The following STS variants were observed in gnomAD, a reference collection of about 807,000 sequenced individuals.
STS encodes the protein steroid sulfatase.
A neutral mutation model predicts 26.8 loss-of-function variants in STS; 7 were observed. The observed-to-expected ratio is 0.26, with a 90% CI of 0.15 to 0.49. STS has a LOEUF of 0.49. Among genes scored for constraint, STS ranks in the 20% least tolerant of loss-of-function variants. The probability of loss-of-function intolerance (pLI) is 0.98; values close to 1 mark genes in which losing one functional copy is unlikely to be tolerated. For missense variants in STS, 434 were observed against 465.6 expected, an observed-to-expected ratio of 0.93 and a Z score of 0.63; for synonymous variants, 199 against 189.4, an observed-to-expected ratio of 1.05 and a Z score of -0.42.
At chrX:7,200,648 A>G (rs1246297094) in intron 2 of STS, among the ~76,000 whole-genome samples, 1 of 111,502 alleles carries the variant, frequency 9.0e-6, no homozygotes. Context: ...AAGGACAAAA[A>G]TGGATGCCCC....
At position 7,259,609 on chromosome X, in the gene STS, C is replaced by A; in HGVS notation, c.643C>A (p.Leu215Ile). Residue 215 changes from leucine to isoleucine, a missense_variant, in exon 6 of 11, where the codon CTC (leucine) becomes ATC (isoleucine). Around this residue, in one of 2 missense-constraint regions of STS, gnomAD observed 229 missense variants for 288.3 expected, o/e 0.79. Coordinates refer to ENST00000674429, the MANE Select transcript of STS (RefSeq NM_001320752.2). ...HVPLGVFFSLLFLAALILTLF... is the reference protein window; with the variant it reads ...HVPLGVFFSLIFLAALILTLF... ...GCCTCTAGGCGTTTTTTTCAGCCTT[C>A]TCTTCCTAGCAGCCCTAATCCTGAC... 6.6e-6 allele frequency: 8 copies of A among 1,211,319 alleles called. No individual in the cohort carries two copies. Among genetic ancestry groups the A allele is most frequent in the Non-Finnish European group, 8.9e-6 (8 of 895,381 alleles).
At chrX:7,277,382 CTGTT>C (rs756961761) in intron 7 of STS, among the ~76,000 whole-genome samples, 31 of 111,701 alleles carry the variant, frequency 2.8e-4, no homozygotes, top group Admixed American at 2.3e-3. Context: ...CTTCCTAGTT[CTGTT>C]TGTTTGTTTG....
At chrX:7,272,731 C>T (rs753352146) in intron 6 of STS, among the ~76,000 whole-genome samples, 26 of 111,718 alleles carry the variant, frequency 2.3e-4, no homozygotes, top group South Asian at 1.1e-3. Context: ...AATCACTTTG[C>T]GGGTGTCAGG....
At chrX:7,290,285 C>G (rs549357534) in intron 7 of STS, among the ~76,000 whole-genome samples, 1 of 111,246 alleles carries the variant, frequency 9.0e-6, no homozygotes, top group Admixed American at 9.6e-5. Context: ...CATCTCTTCT[C>G]CTTGCTCTTC....
chrX:7,195,230 G>C (rs1933951597), intron 2 of STS, among the ~76,000 whole-genome samples: 1 of 111,659 alleles, frequency 9.0e-6, no homozygotes, highest in Admixed American at 9.6e-5. Flanking sequence ...CTTGTCTTTG[G>C]TAATACCTGT....
chrX:7,285,307 A>G (rs1925078367), intron 7 of STS, among the ~76,000 whole-genome samples: 1 of 111,575 alleles, frequency 9.0e-6, no homozygotes, highest in Non-Finnish European at 1.9e-5. Flanking sequence ...TGTTTGGAAA[A>G]TGGAAGTACT....
chrX:7,170,888 A>G (rs766528557), intron 1 of STS, among the ~76,000 whole-genome samples: 11 of 111,872 alleles, frequency 9.8e-5, no homozygotes, highest in Admixed American at 4.8e-4. Flanking sequence ...TGATAACTCC[A>G]ATGGATCTAA....
In STS at chrX:7,257,703, C is replaced by A. The variant is rs1923492827; in HGVS notation, c.382+115C>A. On this transcript the variant is annotated intron_variant, in intron 5 of 10. Coordinates refer to ENST00000674429, the MANE Select transcript of STS (RefSeq NM_001320752.2). ...ATCATGACAGTTATCTTAGGGATGA[C>A]TTTGCTGGTACACTTTGCATAACTT... 13 of 988,877 alleles carry A rather than the reference C, an allele frequency of 1.3e-5. No individual in the cohort carries two copies. In the South Asian group the frequency reaches 1.9e-4, roughly 15 times the overall value. The allele number at this position is 988,877 out of a possible 1,213,427, so 81.5% of individuals were successfully genotyped here. A position where few individuals can be genotyped will look rare whatever the true frequency, so the allele number is the denominator to read the frequency against.
chrX:7,241,512 T>C (rs1370686042), intron 2 of STS, among the ~76,000 whole-genome samples: 1 of 112,178 alleles, frequency 8.9e-6, no homozygotes, highest in African/African-American at 3.2e-5. Flanking sequence ...AGCAGAGACA[T>C]GTGTCCTTAA....
intron 5 of STS, among the ~76,000 whole-genome samples, chrX:7,257,801 ATGTGTG>A (rs751759238): frequency 2.1e-5 from 2 of 97,394 alleles, no homozygotes; most frequent in African/African-American, 7.3e-5. Context: ...AAATGTATAG[ATGTGTG>A]TGTGTGTGTG....
chrX:7,176,741 G>A (rs188436211), intron 1 of STS, among the ~76,000 whole-genome samples: 4 of 110,834 alleles, frequency 3.6e-5, no homozygotes, highest in African/African-American at 9.8e-5. Context: ...GAACTTACTC[G>A]CTAACACAAG....
intron 9 of STS, 112 bp downstream of exon 9, chrX:7,325,610 T>G: frequency 2.1e-6 from 2 of 930,577 alleles, no homozygotes; most frequent in Non-Finnish European, 3.1e-6. Context: ...CCCCTGGAGT[T>G]TTCCTGAAAA....
At chrX:7,186,134 G>A (rs1219173399) in intron 1 of STS, among the ~76,000 whole-genome samples, 1 of 112,402 alleles carries the variant, frequency 8.9e-6, no homozygotes, top group Non-Finnish European at 1.9e-5. Flanking sequence ...CATTCACTTG[G>A]TAGCCAGAGC....
chrX:7,275,856 A>G lies in STS; in HGVS notation c.807-95A>G, dbSNP rs779928694. 71 of 1,029,253 alleles carry G rather than the reference A, an allele frequency of 6.9e-5. No homozygotes were observed. In the Admixed American group the frequency reaches 1.9e-3, roughly 28 times the overall value. The allele number at this position is 1,029,253 out of a possible 1,213,427, so 84.8% of individuals were successfully genotyped here. The stretch of plus-strand genomic sequence containing the variant: ...TTTGTGAATTTTCAAATAGCCTGCT[A>G]TGATAATAGGTGGATCTTAATCAGA... On this transcript the variant is annotated intron_variant, in intron 6 of 10. Coordinates refer to ENST00000674429, the MANE Select transcript of STS (RefSeq NM_001320752.2).
At chrX:7,295,967 TCC>T (rs1186564800) in intron 7 of STS, among the ~76,000 whole-genome samples, 1 of 111,479 alleles carries the variant, frequency 9.0e-6, no homozygotes, top group Non-Finnish European at 1.9e-5. Context: ...GATGGTAAAA[TCC>T]AATGCAAAGA....
At chrX:7,204,998 GC>G (rs1382037746) in intron 2 of STS, among the ~76,000 whole-genome samples, 1 of 111,576 alleles carries the variant, frequency 9.0e-6, no homozygotes, top group Non-Finnish European at 1.9e-5. Flanking sequence ...CTGCTTTGTG[GC>G]CCCACATGGC....
At chrX:7,160,123 CAG>C (rs1320569345) in intron 1 of STS, among the ~76,000 whole-genome samples, 1 of 111,954 alleles carries the variant, frequency 8.9e-6, no homozygotes, top group Non-Finnish European at 1.9e-5. Context: ...TACGTGATGA[CAG>C]AAAATTGCTT....
rs1270765294 is a variant in STS, at chrX:7,188,322, G to A, written c.-133-2558G>A. Among the ~76,000 whole-genome samples, 3 of 111,313 alleles carry A rather than the reference G, an allele frequency of 2.7e-5. No homozygotes were observed. In the East Asian group the frequency reaches 8.5e-4, roughly 31 times the overall value. ...GAAGACCATGCTTTGTTGATTGAGG[G>A]CGGGCACTGGGCTGGATAGTTCTTT... On this transcript the variant is annotated intron_variant, in intron 1 of 10. Coordinates refer to ENST00000674429, the MANE Select transcript of STS (RefSeq NM_001320752.2).
At chrX:7,264,379 T>C (rs1380699563) in intron 6 of STS, among the ~76,000 whole-genome samples, 1 of 112,744 alleles carries the variant, frequency 8.9e-6, no homozygotes. Context: ...ACTGCAGAGT[T>C]AGTGCCCGTG....
Sources: gnomAD v4.1 joint callset for allele counts (sites outside exome capture counted in the v4.1 genomes callset) on GRCh38, gnomAD v4.1.1 for gene constraint, gnomAD v4.1.1 regional missense constraint, MANE v1.5 for transcripts, NCBI Gene and HGNC (gene_info 2026-07-23, HGNC 2026-07-21) for gene names.